The following ZFHX3 variants were observed in gnomAD, a reference collection of about 807,000 sequenced individuals.
ZFHX3 encodes the protein zinc finger homeobox 3, also known as zinc finger homeobox protein 3.
A neutral mutation model predicts 279.1 loss-of-function variants in ZFHX3; 42 were observed. The ratio of observed to expected loss-of-function variants is 0.15; its 90% CI spans 0.12 to 0.19. The LOEUF (loss-of-function observed/expected upper bound fraction) is 0.19, where lower values mean the gene tolerates loss of function less well. Among genes scored for constraint, ZFHX3 ranks in the 10% least tolerant of loss-of-function variants. The pLI, the probability that ZFHX3 is intolerant of heterozygous loss-of-function variation, is 1.00. For synonymous variants in ZFHX3, 2,293 were observed against 1,957.8 expected, an observed-to-expected ratio of 1.17 and a Z score of -4.52; for missense variants, 4,981 against 4,754.0, an observed-to-expected ratio of 1.05 and a Z score of -1.40.
chr16:73,515,202 A>G (rs2019498588), intron 2 of ZFHX3, among the ~76,000 whole-genome samples: 1 of 152,176 alleles, frequency 6.6e-6, no homozygotes, highest in African/African-American at 2.4e-5. Flanking sequence ...AGGGCAGCCC[A>G]GTGGAAACTT....
chr16:73,837,669 G>A (rs62044573), intron 1 of ZFHX3, among the ~76,000 whole-genome samples: 6 of 151,686 alleles, frequency 4.0e-5, no homozygotes, highest in South Asian at 2.1e-4. Context: ...ACGGAGTTTC[G>A]CTCTTGTTGC....
chr16:73,187,241 T>A (rs1967933839), intron 5 of ZFHX3, among the ~76,000 whole-genome samples: 1 of 152,128 alleles, frequency 6.6e-6, no homozygotes, highest in South Asian at 2.1e-4. Flanking sequence ...ACAGCATTTC[T>A]TCCTTTCTTT....
chr16:73,664,324 G>C (rs1391443139), intron 2 of ZFHX3, among the ~76,000 whole-genome samples: 1 of 152,122 alleles, frequency 6.6e-6, no homozygotes, highest in Non-Finnish European at 1.5e-5. Flanking sequence ...ACCATAAATG[G>C]AGAAACTGGG....
At chr16:73,251,864 GCA>G (rs1199227906) in intron 5 of ZFHX3, among the ~76,000 whole-genome samples, 12 of 102,226 alleles carry the variant, frequency 1.2e-4, no homozygotes, top group African/African-American at 3.9e-4. Context: ...CCGCACACAC[GCA>G]CACACCATGC....
Position 72,957,842 on chromosome 16 carries a change from G to T in ZFHX3, c.2304C>A (p.His768Gln). The T allele has an allele frequency of 6.2e-7, 1 of 1,613,230 alleles. No homozygotes were observed. Among genetic ancestry groups the T allele is most frequent in the South Asian group, 1.1e-5 (1 of 91,072 alleles). The change falls in exon 2 of 10, where the codon CAC (histidine) becomes CAA (glutamine). Residue 768 changes from histidine (H) to glutamine (Q), a missense_variant. By Grantham distance (24) the His-to-Gln change is conservative. Around this residue, in one of 7 missense-constraint regions of ZFHX3, gnomAD observed 1,751 missense variants for 1,770.0 expected, o/e 0.99. Coordinates refer to ENST00000268489, the MANE Select transcript of ZFHX3 (RefSeq NM_006885.4). The part of the protein sequence containing the change: ...QNGGGEQVFS[H>Q]TAGAAAAAVA... The stretch of plus-strand genomic sequence containing the variant: ...CCGCCGCCGCCGCCGCCCCGGCAGT[G>T]TGGCTGAAGACCTGCTCCCCCCCTC...
intron 2 of ZFHX3, chr16:73,679,836 G>A (rs997183746): frequency 2.6e-5 from 4 of 152,202 alleles, no homozygotes; most frequent in African/African-American, 7.2e-5. Context: ...AGCACCTCCC[G>A]TAGCAATCGT....
intron 1 of ZFHX3, among the ~76,000 whole-genome samples, chr16:73,854,632 A>G (rs1208183739): frequency 2.0e-5 from 3 of 148,262 alleles, no homozygotes; most frequent in Non-Finnish European, 4.4e-5. Flanking sequence ...GTGAATTTTG[A>G]TATTTTCTCT....
intron 3 of ZFHX3, among the ~76,000 whole-genome samples, chr16:73,444,310 A>G (rs75901021): frequency 0.027 from 4,045 of 152,290 alleles, 183 homozygotes; most frequent in African/African-American, 0.092. Flanking sequence ...TTTAAAATAG[A>G]ATATTCCGTA....
intron 2 of ZFHX3, among the ~76,000 whole-genome samples, chr16:73,490,994 A>G (rs1355887793): frequency 6.6e-6 from 1 of 152,202 alleles, no homozygotes; most frequent in Non-Finnish European, 1.5e-5. Context: ...TGCAGTTTTT[A>G]TATATGGTTG....
At chr16:73,325,430 A>T (rs1392561464) in intron 3 of ZFHX3, among the ~76,000 whole-genome samples, 4 of 152,146 alleles carry the variant, frequency 2.6e-5, no homozygotes, top group African/African-American at 9.7e-5. Flanking sequence ...GTGCCCTAGG[A>T]TCTGGGGTGA....
At chr16:73,277,850 T>C (rs1178515534) in intron 4 of ZFHX3, among the ~76,000 whole-genome samples, 2 of 152,136 alleles carry the variant, frequency 1.3e-5, no homozygotes, top group African/African-American at 4.8e-5. Flanking sequence ...AAGCTTCCAA[T>C]CATGGTGGAA....
At chr16:73,129,513 G>A (rs1340099660) in intron 7 of ZFHX3, among the ~76,000 whole-genome samples, 1 of 151,694 alleles carries the variant, frequency 6.6e-6, no homozygotes. Context: ...ACCTTAATTA[G>A]GAGATCGTCT....
intron 1 of ZFHX3, among the ~76,000 whole-genome samples, chr16:73,875,892 A>G (rs2029931611): frequency 6.6e-6 from 1 of 152,230 alleles, no homozygotes; most frequent in African/African-American, 2.4e-5. Context: ...ATTCATATAA[A>G]TGGCATCAAA....
chr16:73,648,998 G>C (rs1301191701), intron 2 of ZFHX3, among the ~76,000 whole-genome samples: 1 of 152,130 alleles, frequency 6.6e-6, no homozygotes, highest in Non-Finnish European at 1.5e-5. Context: ...TTTACATTTG[G>C]AGATTACGGT....
chr16:72,954,822 C>T (rs1961170690), intron 2 of ZFHX3, among the ~76,000 whole-genome samples: 1 of 152,206 alleles, frequency 6.6e-6, no homozygotes, highest in Non-Finnish European at 1.5e-5. Context: ...AGCAACCCCA[C>T]AATCAGTGTC....
At chr16:73,035,686 G>T (rs1039807771) in intron 1 of ZFHX3, among the ~76,000 whole-genome samples, 4 of 152,248 alleles carry the variant, frequency 2.6e-5, no homozygotes, top group African/African-American at 4.8e-5. Flanking sequence ...AGGAGTTCGA[G>T]ACTAGCCTGG....
At chr16:73,439,909 C>CAAAAAAAAAAAAAAAAAAAAAAAAA (rs71156164) in intron 3 of ZFHX3, among the ~76,000 whole-genome samples, 1 of 75,446 alleles carries the variant, frequency 1.3e-5, no homozygotes, top group African/African-American at 6.3e-5. Context: ...GGGAGAGGGA[C>CAAAAAAAAAAAAAAAAAAAAAAAAA]AAAAAAAAAA....
In ZFHX3 at chr16:73,254,897, TATCC is replaced by T. The variant is rs1037989311; in HGVS notation, c.-1104+2146_-1104+2149del. ...AGAGGTCTCCATCCACCTGTTTATC[TATCC>T]ATCCATCCATCCATCCATCCACCCA... On this transcript the variant is annotated intron_variant, in intron 5 of 17. Coordinates refer to the ZFHX3 transcript ENST00000641206. Among the ~76,000 whole-genome samples the T allele has an allele frequency of 3.0e-4, 45 of 148,886 alleles. 1 individual carries two copies. Among genetic ancestry groups the T allele is most frequent in the Admixed American group, 1.3e-3 (19 of 15,188 alleles).
intron 2 of ZFHX3, among the ~76,000 whole-genome samples, chr16:73,592,069 TA>T (rs71374574): frequency 0.26 from 39,705 of 151,650 alleles, 5,949 homozygotes; most frequent in Non-Finnish European, 0.34. Context: ...CTGTCTCTAC[TA>T]AAAATACAAA....
Sources: allele counts gnomAD v4.1 joint callset (sites outside exome capture counted in the v4.1 genomes callset), GRCh38; gene constraint gnomAD v4.1.1; regional missense constraint gnomAD v4.1.1; transcripts MANE v1.5; gene names NCBI Gene and HGNC (gene_info 2026-07-23, HGNC 2026-07-21).